Variants in ZNF91 observed in about 807,000 individuals in gnomAD.
ZNF91 encodes the protein zinc finger protein 91.
ZNF91 carries 7 observed loss-of-function variants against 12.6 expected under a neutral mutation model. The ratio of observed to expected loss-of-function variants is 0.55; its 90% CI spans 0.31 to 1.04. The LOEUF (loss-of-function observed/expected upper bound fraction) is 1.04. ZNF91 is among the 50% of genes least tolerant of loss of function. The pLI is 0.05. For synonymous variants in ZNF91, 453 were observed against 462.6 expected, an observed-to-expected ratio of 0.98 and a Z score of 0.27; for missense variants, 1,217 against 1,385.4, an observed-to-expected ratio of 0.88 and a Z score of 1.93.
chr19:23,374,829 C>T, intron 1 of ZNF91, 65 bp from the exon 2 acceptor site: 1 of 1,585,328 alleles, frequency 6.3e-7, no homozygotes, highest in Non-Finnish European at 8.6e-7. Context: ...TCATTTGACT[C>T]AAGGTAAAAT....
chr19:23,324,614 T>C (rs1967804883), intron 1 of ZNF91: 1 of 151,770 alleles, frequency 6.6e-6, no homozygotes. Flanking sequence ...CTATGAGAAA[T>C]AATCTTGCTC....
chr19:23,348,691 C>T (rs1469187167), intron 3 of ZNF91, among the ~76,000 whole-genome samples: 2 of 152,042 alleles, frequency 1.3e-5, no homozygotes, highest in Non-Finnish European at 1.5e-5. Flanking sequence ...ACAGAATAAG[C>T]GATTTTCAGG....
chr19:23,390,737 A>G (rs1019271693), intron 1 of ZNF91, among the ~76,000 whole-genome samples: 1 of 150,300 alleles, frequency 6.7e-6, no homozygotes, highest in Non-Finnish European at 1.5e-5. Context: ...TTCTTATTGT[A>G]TTTTTTTTTA....
rs1459305628 is a variant in ZNF91 at position 23,362,351 on chromosome 19, A to G, written c.628T>C (p.Cys210Arg). 1.9e-6 allele frequency: 3 copies of G among 1,613,446 alleles called. No individual in the cohort carries two copies. The highest frequency in any genetic ancestry group is 2.5e-6 in the Non-Finnish European group (3 of 1,179,800). ...GTTTTTTCACATTCTTTACATTTAC[A>G]GGACTTCTCTGTAATATAAACGCAT... ...HKCVYITEKSCKCKECEKTFH... is the reference protein window; with the variant it reads ...HKCVYITEKSRKCKECEKTFH... The change falls in exon 4 of 4, where the codon TGT becomes CGT. Residue 210 changes from cysteine (C) to arginine (R), a missense_variant. By Grantham distance (180) the Cys-to-Arg change is radical. This residue lies in a region of ZNF91 where 726 missense variants were observed against 895.5 expected (regional missense o/e 0.81). Transcript: ENST00000300619.
chr19:23,369,954 T>A (rs1969203711), intron 3 of ZNF91, among the ~76,000 whole-genome samples: 2 of 145,024 alleles, frequency 1.4e-5, no homozygotes, highest in South Asian at 2.2e-4. Flanking sequence ...TATTGTCCTA[T>A]GACCCTGCCA....
At position 23,395,420 on chromosome 19, in the gene ZNF91, G is replaced by A. The variant is rs930257556; in HGVS notation, c.-66C>T. The A allele has an allele frequency of 1.8e-5, 28 of 1,593,730 alleles. No homozygotes were observed. Among genetic ancestry groups the A allele is most frequent in the African/African-American group, 9.4e-5 (7 of 74,154 alleles). ...CACAGGCTGGGCCTCCTGGAGCAGA[G>A]GACACAGAGCAGTGAAGTCGAGACC... is the stretch of plus-strand genomic sequence containing the variant. On this transcript the variant is annotated 5_prime_UTR_variant, in exon 1 of 4. Coordinates refer to ENST00000300619, the MANE Select transcript of ZNF91 (RefSeq NM_003430.4).
intron 3 of ZNF91, among the ~76,000 whole-genome samples, chr19:23,352,107 C>A (rs557259954): frequency 6.6e-6 from 1 of 152,152 alleles, no homozygotes; most frequent in East Asian, 1.9e-4. Context: ...AAACTAAAGC[C>A]CTGTTCTTTC....
At chr19:23,320,792 G>C (rs1324835964) in intron 1 of ZNF91, among the ~76,000 whole-genome samples, 3 of 152,230 alleles carry the variant, frequency 2.0e-5, no homozygotes, top group Non-Finnish European at 4.4e-5. Flanking sequence ...CTAGTAAGCA[G>C]ACACAGTCAA....
chr19:23,346,984 T>C (rs1381899246), intron 3 of ZNF91, among the ~76,000 whole-genome samples: 1 of 152,124 alleles, frequency 6.6e-6, no homozygotes, highest in Non-Finnish European at 1.5e-5. Context: ...ATCAACACTG[T>C]TCAAACCTTT....
At chr19:23,381,546 C>T (rs1313222094) in intron 1 of ZNF91, among the ~76,000 whole-genome samples, 3 of 151,452 alleles carry the variant, frequency 2.0e-5, no homozygotes, top group Non-Finnish European at 4.4e-5. Context: ...ACCTCAACCT[C>T]CACCTCCTGG....
chr19:23,385,449 T>C (rs1282878585), intron 1 of ZNF91, among the ~76,000 whole-genome samples: 1 of 152,164 alleles, frequency 6.6e-6, no homozygotes, highest in Non-Finnish European at 1.5e-5. Flanking sequence ...TTACCTGTTA[T>C]AGCTTGTTTG....
At chr19:23,392,674 C>T (rs894654408) in intron 1 of ZNF91, among the ~76,000 whole-genome samples, 7 of 152,044 alleles carry the variant, frequency 4.6e-5, no homozygotes, top group African/African-American at 1.4e-4. Flanking sequence ...CGTCTGTAAT[C>T]CCAGCTACTG....
chr19:23,305,118 A>G (rs1967380553), exon 4 of ZNF91: 1 of 152,224 alleles, frequency 6.6e-6, no homozygotes, highest in Admixed American at 6.5e-5. Context: ...CAAGGTCTGT[A>G]AATTGAAGAT....
chr19:23,325,595 G>C (rs1048833387), intron 1 of ZNF91: 3 of 152,104 alleles, frequency 2.0e-5, no homozygotes, highest in African/African-American at 7.2e-5. Context: ...CATTCCTTCT[G>C]GAAGGTGATT....
rs753950134 is a variant in ZNF91 at position 23,395,428 on chromosome 19, A to G, written c.-74T>C. On this transcript the variant is annotated 5_prime_UTR_variant, in exon 1 of 4. Transcript: ENST00000300619. ...GGGCCTCCTGGAGCAGAGGACACAGAGCAGTGAAGTCGAGACCTGGAAACT... is the reference window on the plus strand; with the variant it reads ...GGGCCTCCTGGAGCAGAGGACACAGGGCAGTGAAGTCGAGACCTGGAAACT... 1.1e-4 allele frequency: 169 copies of G among 1,572,164 alleles called. No homozygotes were observed. The highest frequency in any genetic ancestry group is 1.4e-4 in the Non-Finnish European group (158 of 1,154,604).
chr19:23,359,799 T>C lies in ZNF91; in HGVS notation c.3180A>G (p.Ile1060Met). The change falls in exon 4 of 4, where the codon ATA (isoleucine) becomes ATG (methionine). Residue 1060 changes from isoleucine (I) to methionine (M), a missense_variant. By Grantham distance (10) the Ile-to-Met change is conservative. Transcript: ENST00000300619. ...YKCEECGKAF[I>M]SSSTLNGHKR... is the part of the protein sequence containing the mutation. ...TATGTCCATTTAGGGTTGAGGATGA[T>C]ATAAATGCTTTGCCACATTCTTCAC... 1.2e-6 allele frequency: 2 copies of C among 1,613,246 alleles called. No individual in the cohort carries two copies. Among genetic ancestry groups the C allele is most frequent in the Non-Finnish European group, 1.7e-6 (2 of 1,179,818 alleles).
rs1292843115 is a variant in ZNF91 at position 23,373,837 on chromosome 19, C to T, written c.158G>A (p.Gly53Asp). ...CAGGTCTGGCTTAGAGAGAGCAATA[C>T]CTGTTTTATTAAAAATAACTAACAT... ...LENYRNLAFL[G>D]IALSKPDLIT... The change falls in exon 3 of 4, where the codon GGT becomes GAT. Residue 53 changes from glycine (G) to aspartate (D), a missense_variant and splice_region_variant. Physicochemically the swap from Gly to Asp is moderately conservative, Grantham distance 94 (BLOSUM62 -1). This residue lies in a region of ZNF91 where 726 missense variants were observed against 895.5 expected (regional missense o/e 0.81). Transcript: ENST00000300619. 7 of 1,595,520 alleles carry T rather than the reference C, an allele frequency of 4.4e-6. No individual in the cohort carries two copies. In the East Asian group the frequency reaches 1.4e-4, roughly 31 times the overall value.
intron 1 of ZNF91, among the ~76,000 whole-genome samples, chr19:23,321,414 T>G (rs1021008882): frequency 6.6e-6 from 1 of 152,202 alleles, no homozygotes; most frequent in African/African-American, 2.4e-5. Context: ...GTGACTCTTC[T>G]GCCTGGGCCC....
Position 23,359,704 on chromosome 19 carries a change from G to A in ZNF91, c.3275C>T (p.Thr1092Ile). 1 of 1,613,762 alleles carries A rather than the reference G, an allele frequency of 6.2e-7. No individual in the cohort carries two copies. Among genetic ancestry groups the A allele is most frequent in the Non-Finnish European group, 8.5e-7 (1 of 1,179,906 alleles). ...GTGCAACCTCTTATGTCTAGTTAGG[G>A]TTGAAGATTGGCTAAATGCTTTGCC... ...ECGKAFSQSS[T>I]LTRHKRLHTG... The change falls in exon 4 of 4, where the codon ACC (threonine) becomes ATC (isoleucine). Residue 1092 changes from threonine (T) to isoleucine (I), a missense_variant. Coordinates refer to ENST00000300619, the MANE Select transcript of ZNF91 (RefSeq NM_003430.4).
Sources: gnomAD v4.1 joint callset for allele counts (sites outside exome capture counted in the v4.1 genomes callset) on GRCh38, gnomAD v4.1.1 for gene constraint, gnomAD v4.1.1 regional missense constraint, MANE v1.5 for transcripts, NCBI Gene and HGNC (gene_info 2026-07-23, HGNC 2026-07-21) for gene names.